RAB38: variants seen among roughly 807,000 people sequenced by gnomAD.
The protein encoded by RAB38 is ras-related protein Rab-38.
In RAB38, 15 loss-of-function variants were observed where a neutral mutation model predicts 18.4. That is an observed-to-expected ratio of 0.82 (90% CI 0.55 to 1.26). RAB38 has a LOEUF of 1.26. RAB38 is among the 50% of genes most tolerant of loss of function. RAB38 has a pLI of 0.00. For synonymous variants in RAB38, 101 were observed against 104.4 expected, an observed-to-expected ratio of 0.97 and a Z score of 0.20; for missense variants, 294 against 267.4, an observed-to-expected ratio of 1.10 and a Z score of -0.69.
chr11:88,026,728 A>G, the RAB38 span, among the ~76,000 whole-genome samples: 2 of 152,108 alleles, frequency 1.3e-5, no homozygotes, highest in Non-Finnish European at 2.9e-5. Flanking sequence ...GAAGAATGAC[A>G]ACTAGTAAAT....
the RAB38 span, among the ~76,000 whole-genome samples, chr11:87,925,914 C>T: frequency 1.3e-5 from 2 of 151,960 alleles, no homozygotes; most frequent in African/African-American, 4.8e-5. Flanking sequence ...CTTCTTCTAA[C>T]ATTGATACCT....
chr11:87,842,879 A>G, the RAB38 span, among the ~76,000 whole-genome samples: 1 of 151,862 alleles, frequency 6.6e-6, no homozygotes, highest in East Asian at 2.0e-4. Context: ...TTGAGAAACA[A>G]AAAACATTTT....
At chr11:87,931,411 G>A in the RAB38 span, among the ~76,000 whole-genome samples, 1 of 151,966 alleles carries the variant, frequency 6.6e-6, no homozygotes, top group Non-Finnish European at 1.5e-5. Context: ...GGTGTAGACA[G>A]CTCCACTCAG....
the RAB38 span, among the ~76,000 whole-genome samples, chr11:88,067,446 C>T: frequency 2.0e-5 from 3 of 151,498 alleles, no homozygotes; most frequent in South Asian, 4.2e-4. Flanking sequence ...ATCTTTCCAA[C>T]TCTGAAGCTC....
At chr11:88,142,845 C>T (rs1486815366) in intron 2 of RAB38, among the ~76,000 whole-genome samples, 2 of 152,202 alleles carry the variant, frequency 1.3e-5, no homozygotes, top group African/African-American at 4.8e-5. Context: ...GAGAAAAGGC[C>T]TTTCCCTTAT....
chr11:88,038,490 TG>T, the RAB38 span, among the ~76,000 whole-genome samples: 1 of 152,220 alleles, frequency 6.6e-6, no homozygotes, highest in Non-Finnish European at 1.5e-5. Context: ...TTTAGATGCA[TG>T]TCTTCACTTC....
At chr11:87,878,222 T>TATACACACACACAC in the RAB38 span, among the ~76,000 whole-genome samples, 4 of 116,154 alleles carry the variant, frequency 3.4e-5, no homozygotes, top group African/African-American at 9.0e-5. Context: ...TATATATATA[T>TATACACACACACAC]ACACACATAT....
At chr11:88,114,256 T>A (rs1942517912) in intron 2 of RAB38, 116 bp from the exon 3 acceptor site, 1 of 1,069,216 alleles carries the variant, frequency 9.4e-7, no homozygotes, top group African/African-American at 1.6e-5. Context: ...TACATATGCA[T>A]CCCCCTCCTG....
chr11:88,159,516 C>G (rs1036597806), intron 1 of RAB38, among the ~76,000 whole-genome samples: 1 of 151,494 alleles, frequency 6.6e-6, no homozygotes, highest in Non-Finnish European at 1.5e-5. Context: ...AAAAAAAGAC[C>G]AATAGCCAAA....
chr11:88,103,207 T>C, the RAB38 span, among the ~76,000 whole-genome samples: 1 of 152,116 alleles, frequency 6.6e-6, no homozygotes, highest in Non-Finnish European at 1.5e-5. Context: ...TCTTATTTTT[T>C]ATATTATAGA....
the RAB38 span, among the ~76,000 whole-genome samples, chr11:87,865,775 C>T: frequency 2.0e-5 from 3 of 151,728 alleles, no homozygotes; most frequent in Non-Finnish European, 4.4e-5. Flanking sequence ...ACTTGGAAAA[C>T]CAGTCAGGGT....
the RAB38 span, among the ~76,000 whole-genome samples, chr11:87,846,831 A>G: frequency 6.6e-6 from 1 of 152,088 alleles, no homozygotes; most frequent in Non-Finnish European, 1.5e-5. Flanking sequence ...GAGTAAGACA[A>G]AGTGCATTCT....
chr11:87,873,949 T>TATATATATAC, the RAB38 span, among the ~76,000 whole-genome samples: 65 of 138,050 alleles, frequency 4.7e-4, no homozygotes, highest in African/African-American at 9.0e-4. Flanking sequence ...TATATATATA[T>TATATATATAC]ACTCTGCATA....
At chr11:88,139,743 G>A (rs1214390445) in intron 2 of RAB38, among the ~76,000 whole-genome samples, 1 of 152,094 alleles carries the variant, frequency 6.6e-6, no homozygotes, top group Non-Finnish European at 1.5e-5. Flanking sequence ...TAGGGCCAAG[G>A]CATCTGCAAT....
chr11:88,130,851 AAAGGCAGAAGCG>A (rs1169728633), intron 2 of RAB38, among the ~76,000 whole-genome samples: 2 of 152,228 alleles, frequency 1.3e-5, no homozygotes, highest in Non-Finnish European at 2.9e-5. Flanking sequence ...TGTTAGACCC[AAAGGCAGAAGCG>A]AAACTGACAT....
At chr11:88,163,212 G>A (rs550657699) in intron 1 of RAB38, among the ~76,000 whole-genome samples, 1 of 152,152 alleles carries the variant, frequency 6.6e-6, no homozygotes, top group Non-Finnish European at 1.5e-5. Flanking sequence ...CATAACACAG[G>A]TACCCTAAGA....
At chr11:88,026,593 AGAAAT>A in the RAB38 span, among the ~76,000 whole-genome samples, 2 of 150,662 alleles carry the variant, frequency 1.3e-5, no homozygotes, top group African/African-American at 4.9e-5. Context: ...AAAAAGGAAA[AGAAAT>A]GAAACTCCTG....
At chr11:87,921,074 G>T in the RAB38 span, among the ~76,000 whole-genome samples, 9 of 151,960 alleles carry the variant, frequency 5.9e-5, no homozygotes, top group Middle Eastern at 3.2e-3. Flanking sequence ...GAACAAGAGG[G>T]GGTAAACCCA....
the RAB38 span, among the ~76,000 whole-genome samples, chr11:87,916,984 C>A: frequency 6.6e-6 from 1 of 152,046 alleles, no homozygotes; most frequent in East Asian, 1.9e-4. Context: ...GTTAGCATAC[C>A]TCACAGGATC....
Sources: allele counts gnomAD v4.1 joint callset (sites outside exome capture counted in the v4.1 genomes callset), GRCh38; gene constraint gnomAD v4.1.1; transcripts MANE v1.5; gene names NCBI Gene and HGNC (gene_info 2026-07-23, HGNC 2026-07-21).